Variants in KIF14 observed in about 807,000 individuals in gnomAD.
KIF14 encodes the protein kinesin-like protein KIF14.
Under a neutral mutation model 176.2 loss-of-function variants are expected in KIF14, and 98 were observed. The observed-to-expected ratio is 0.56, with a 90% confidence interval of 0.47 to 0.66. KIF14 has a LOEUF of 0.66. Among genes scored for constraint, KIF14 ranks in the 30% least tolerant of loss-of-function variants. KIF14 has a pLI of 0.00. For missense variants in KIF14, 1,751 were observed against 1,920.4 expected, an observed-to-expected ratio of 0.91 and a Z score of 1.65; for synonymous variants, 566 against 632.2, an observed-to-expected ratio of 0.90 and a Z score of 1.57.
chr1:200,589,392 AT>A, intron 17 of KIF14, 23 bp from the exon 18 acceptor site: 1 of 1,573,426 alleles, frequency 6.4e-7, no homozygotes. Flanking sequence ...ATAATAAAAA[AT>A]ATCTCAGGCA....
At chr1:200,576,228 C>T (rs1464195022) in intron 21 of KIF14, among the ~76,000 whole-genome samples, 2 of 151,976 alleles carry the variant, frequency 1.3e-5, no homozygotes, top group East Asian at 3.9e-4. Context: ...CCTGTAATCC[C>T]AGCACTTTGG....
At chr1:200,594,368 CAA>C (rs371729211) in intron 14 of KIF14, among the ~76,000 whole-genome samples, 17,264 of 92,614 alleles carry the variant, frequency 0.19, 1,106 homozygotes, top group African/African-American at 0.34. Flanking sequence ...CCCAAAAATT[CAA>C]AAAAAAAAAA....
chr1:200,573,302 C>T (rs975832084), intron 22 of KIF14, among the ~76,000 whole-genome samples: 6 of 152,006 alleles, frequency 3.9e-5, no homozygotes, highest in African/African-American at 1.5e-4. Flanking sequence ...TGTAATGTCA[C>T]TTGTACATGA....
At chr1:200,565,390 A>C (rs1657390617) in intron 24 of KIF14, 55 bp downstream of exon 24, 1 of 1,454,060 alleles carries the variant, frequency 6.9e-7, no homozygotes, top group Admixed American at 2.2e-5. Flanking sequence ...AACAAAGTGC[A>C]ATGTGCAGAA....
rs1331732963 is a variant in KIF14, at chr1:200,580,294, T to C, written c.3425A>G (p.Lys1142Arg). The C allele has an allele frequency of 6.6e-7, 1 of 1,505,452 alleles. No homozygotes were observed. Among genetic ancestry groups the C allele is most frequent in the Non-Finnish European group, 8.9e-7 (1 of 1,119,454 alleles). The allele number at this position is 1,505,452 out of a possible 1,614,324, so 93.3% of individuals were successfully genotyped here. ...CATTGCTGCAAGTTTAGATTCAAAC[T>C]TTTCCAGACTCCAGAATGTTGAGAT... ...LGISTFWSLE[K>R]FESKLAAMKE... The change falls in exon 21 of 30, where the codon AAG becomes AGG. Residue 1142 changes from lysine (K) to arginine (R), a missense_variant. Transcript: ENST00000367350.
In KIF14 at chr1:200,590,195, A is replaced by G; in HGVS notation, c.2891T>C (p.Met964Thr). The change falls in exon 17 of 30, where the codon ATG (methionine) becomes ACG (threonine). Residue 964 changes from methionine (M) to threonine (T), a missense_variant. By Grantham distance (81) the Met-to-Thr change is moderately conservative (BLOSUM62 -1). Transcript: ENST00000367350. ...MMQGIQIAKE[M>T]AQQELSSQKA... is the part of the protein sequence containing the mutation. ...TTGAGAAGAAAGCTCTTGCTGAGCCATTTCTTTTGCAATCTGGATTCCTTG... is the reference window on the plus strand; with the variant it reads ...TTGAGAAGAAAGCTCTTGCTGAGCCGTTTCTTTTGCAATCTGGATTCCTTG... 1.2e-6 allele frequency: 2 copies of G among 1,613,750 alleles called. No individual in the cohort carries two copies. The highest frequency in any genetic ancestry group is 1.3e-5 in the African/African-American group (1 of 75,002).
intron 22 of KIF14, among the ~76,000 whole-genome samples, chr1:200,573,199 A>C (rs1398822797): frequency 6.6e-6 from 1 of 152,162 alleles, no homozygotes. Flanking sequence ...TGCTCTGTAC[A>C]TAGGACCTCA....
chr1:200,587,870 CTA>C (rs1398024517), intron 18 of KIF14, among the ~76,000 whole-genome samples: 1 of 152,068 alleles, frequency 6.6e-6, no homozygotes, highest in Non-Finnish European at 1.5e-5. Flanking sequence ...TTAAACAGTT[CTA>C]TGTTTTTCTC....
At position 200,590,174 on chromosome 1, in the gene KIF14, G is replaced by A; in HGVS notation, c.2912C>T (p.Ser971Phe). 1 of 1,613,138 alleles carries A rather than the reference G, an allele frequency of 6.2e-7. No homozygotes were observed. ...AKEMAQQELS[S>F]QKAAYESKIK... ...TTTGCTTTCATATGCAGCTTTTTGA[G>A]AAGAAAGCTCTTGCTGAGCCATTTC... Residue 971 changes from serine (S) to phenylalanine (F), a missense_variant, in exon 17 of 30, where the codon TCT (serine) becomes TTT (phenylalanine). By Grantham distance (155) the Ser-to-Phe change is radical. Transcript: ENST00000367350.
chr1:200,575,507 A>T, intron 22 of KIF14, 84 bp downstream of exon 22: 1 of 611,612 alleles, frequency 1.6e-6, no homozygotes, highest in Non-Finnish European at 2.6e-6. Flanking sequence ...GAAATAATAT[A>T]TATGATATAC....
intron 2 of KIF14, among the ~76,000 whole-genome samples, chr1:200,616,426 T>C (rs1660408867): frequency 6.6e-6 from 1 of 152,220 alleles, no homozygotes; most frequent in African/African-American, 2.4e-5. Context: ...GCTCTTTCTA[T>C]TGTTTCTCTT....
At chr1:200,571,987 C>A (rs16846920) in intron 22 of KIF14, among the ~76,000 whole-genome samples, 1,549 of 152,246 alleles carry the variant, frequency 0.01, 21 homozygotes, top group African/African-American at 0.034. Flanking sequence ...TATTTTATTG[C>A]AGAACGACTG....
At position 200,568,410 on chromosome 1, in the gene KIF14, C is replaced by T. The variant is rs184275480; in HGVS notation, c.3661+1501G>A. Among the ~76,000 whole-genome samples the T allele has an allele frequency of 4.6e-5, 7 of 152,222 alleles. No homozygotes were observed. In the East Asian group the frequency reaches 1.2e-3, roughly 25 times the overall value. The stretch of plus-strand genomic sequence containing the variant: ...AAATAAGTAGTAGGATCATAATTAT[C>T]TTCCTAAAAGAAACCCTAATTTCTA... On this transcript the variant is annotated intron_variant, in intron 23 of 29. Coordinates refer to ENST00000367350, the MANE Select transcript of KIF14 (RefSeq NM_014875.3).
chr1:200,614,060 A>C (rs1660287485), intron 4 of KIF14, among the ~76,000 whole-genome samples: 1 of 152,216 alleles, frequency 6.6e-6, no homozygotes, highest in Non-Finnish European at 1.5e-5. Flanking sequence ...GTGAGCCTCT[A>C]CGTATACACA....
chr1:200,618,809 A>C lies in KIF14; in HGVS notation c.-86T>G, dbSNP rs1398209670. 1.8e-6 allele frequency: 2 copies of C among 1,129,696 alleles called. No homozygotes were observed. The highest frequency in any genetic ancestry group is 1.6e-5 in the African/African-American group (1 of 64,342). 70.0% of individuals were successfully genotyped at this position (1,129,696 alleles called of 1,614,324 possible). A position where few individuals can be genotyped will look rare whatever the true frequency, so the allele number is the denominator to read the frequency against. Reference sequence around the variant, plus strand: ...TTCATTTGATTTCCAGCCATTTCTTATGTATCCATTTCTGAAAGTATCTGC... The same window carrying C: ...TTCATTTGATTTCCAGCCATTTCTTCTGTATCCATTTCTGAAAGTATCTGC... On this transcript the variant is annotated 5_prime_UTR_variant, in exon 2 of 30. The change abolishes the stop of an existing upstream ORF in the 5' untranslated region. Coordinates refer to ENST00000367350, the MANE Select transcript of KIF14 (RefSeq NM_014875.3).
In KIF14 at chr1:200,615,515, A is replaced by T; in HGVS notation, c.1207T>A (p.Tyr403Asn). ...PDTKQVYNFI[Y>N]DVSFWSFDEC... ...TCAAAAGACCAGAATGAAACATCAT[A>T]AATAAAATTATAAACTTGTTTCGTG... The change falls in exon 3 of 30, where the codon TAT becomes AAT. Residue 403 changes from tyrosine (Y) to asparagine (N), a missense_variant. Tyr to Asn is a moderately radical substitution (Grantham distance 143). Coordinates refer to ENST00000367350, the MANE Select transcript of KIF14 (RefSeq NM_014875.3). The T allele has an allele frequency of 6.2e-7, 1 of 1,614,026 alleles. No homozygotes were observed. The highest frequency in any genetic ancestry group is 8.5e-7 in the Non-Finnish European group (1 of 1,179,882).
intron 14 of KIF14, among the ~76,000 whole-genome samples, 157 bp from the exon 15 acceptor site, chr1:200,593,926 A>G (rs376767872): frequency 4.8e-5 from 3 of 62,000 alleles, no homozygotes; most frequent in African/African-American, 1.5e-4. Flanking sequence ...TCCTCCAACT[A>G]GTTTTTTTTT....
chr1:200,610,079 T>C, intron 4 of KIF14, among the ~76,000 whole-genome samples: 1 of 152,094 alleles, frequency 6.6e-6, no homozygotes, highest in East Asian at 1.9e-4. Context: ...GGGTAGAGGG[T>C]CCCCTTTGAT....
chr1:200,600,642 T>A, intron 11 of KIF14, 139 bp from the exon 12 acceptor site: 2 of 634,984 alleles, frequency 3.1e-6, no homozygotes, highest in East Asian at 5.6e-5. Context: ...ATTGGAGAAA[T>A]CAGCTCTACT....
Sources: gnomAD v4.1 joint callset for allele counts (sites outside exome capture counted in the v4.1 genomes callset) on GRCh38, gnomAD v4.1.1 for gene constraint, MANE v1.5 for transcripts, NCBI Gene and HGNC (gene_info 2026-07-23, HGNC 2026-07-21) for gene names.